Variants in SNED1 observed in about 807,000 individuals in gnomAD.
SNED1 encodes sushi, nidogen and EGF like domains 1, also known as sushi, nidogen and EGF-like domain-containing protein 1.
In SNED1, 81 loss-of-function variants were observed where a neutral mutation model predicts 166.7. That is an observed-to-expected ratio of 0.49 (90% CI 0.41 to 0.58). The LOEUF (loss-of-function observed/expected upper bound fraction) is 0.58, where lower values mean the gene tolerates loss of function less well. Ranked by LOEUF, SNED1 falls within the 20% of genes least tolerant of loss-of-function variation. SNED1 has a pLI of 0.00. For synonymous variants in SNED1, 762 were observed against 822.0 expected (o/e 0.93, Z 1.25); for missense variants, 1,604 against 2,000.2 (o/e 0.80, Z 3.78).
rs562366204 is a variant in SNED1, at chr2:241,022,161, C to T, written c.214-8123C>T. ...TCTGATTATGATTTGCAGGTACATT[C>T]TCCCATCCTGTGGGTTGTCTTTTCA... is the stretch of plus-strand genomic sequence containing the variant. On this transcript the variant is annotated intron_variant, in intron 1 of 31. Transcript: ENST00000310397. Among the ~76,000 whole-genome samples, 7 of 152,310 alleles carry T rather than the reference C, an allele frequency of 4.6e-5. 1 individual carries two copies. In the East Asian group the frequency reaches 1.4e-3, roughly 29 times the overall value.
rs1044812148 is a variant in SNED1, at chr2:241,092,610, G to A, written c.*974G>A. ...TTCAGACCCCTGCTTGGAAAGCTAAGGCACACTGCCACGAAGCAGCAAGGA... is the reference window on the plus strand; with the variant it reads ...TTCAGACCCCTGCTTGGAAAGCTAAAGCACACTGCCACGAAGCAGCAAGGA... On this transcript the variant is annotated 3_prime_UTR_variant, in exon 32 of 32. Coordinates refer to ENST00000310397, the MANE Select transcript of SNED1 (RefSeq NM_001080437.3). This position sits in a 1 kb window ranked among gnomAD's most constrained non-coding sequence, Gnocchi z 4.6. 1 of 152,216 alleles carries A rather than the reference G, an allele frequency of 6.6e-6. No homozygotes were observed. The highest frequency in any genetic ancestry group is 1.5e-5 in the Non-Finnish European group (1 of 68,042). The allele number at this position is 152,216 out of a possible 1,614,324, so 9.4% of individuals were successfully genotyped here. A position where few individuals can be genotyped will look rare whatever the true frequency, so the allele number is the denominator to read the frequency against.
intron 27 of SNED1, among the ~76,000 whole-genome samples, chr2:241,077,159 C>T (rs4447601): frequency 0.22 from 34,051 of 152,042 alleles, 4,149 homozygotes; most frequent in Middle Eastern, 0.31. Flanking sequence ...GGGCTGAAAC[C>T]ATTCAATGTG....
rs1353644866 is a variant in SNED1, at chr2:241,052,084, C to T, written c.1896C>T (p.Gly632=). Reference sequence around the variant, plus strand: ...CCTCTGGCCCCTGTCACAACGGCGGCACCTGCTTCCACTACATTGGCAAAT... The same window carrying T: ...CCTCTGGCCCCTGTCACAACGGCGGTACCTGCTTCCACTACATTGGCAAAT... ...SCASGPCHNG[G]TCFHYIGKYK... The change falls in exon 14 of 32, where the codon GGC becomes GGT. Residue 632 remains glycine, a synonymous_variant. Coordinates refer to ENST00000310397, the MANE Select transcript of SNED1 (RefSeq NM_001080437.3). 2.5e-6 allele frequency: 4 copies of T among 1,613,808 alleles called. No homozygotes were observed. Among genetic ancestry groups the T allele is most frequent in the African/African-American group, 1.3e-5 (1 of 74,908 alleles).
At chr2:241,000,242 T>G (rs534897661) in intron 1 of SNED1, among the ~76,000 whole-genome samples, 1 of 152,120 alleles carries the variant, frequency 6.6e-6, no homozygotes, top group Admixed American at 6.5e-5. Context: ...TGCCCTCTAG[T>G]GCGCCTCCCA....
chr2:241,053,128 C>T lies in SNED1; in HGVS notation c.2084-25C>T, dbSNP rs765602692. On this transcript the variant is annotated intron_variant, in intron 15 of 31. Coordinates refer to ENST00000310397, the MANE Select transcript of SNED1 (RefSeq NM_001080437.3). ...GGGGCCAGGAAGGCACAGGACCGTG[C>T]GAGACAGGCTGCCGTGCCTTGCAGA... 9.4e-6 allele frequency: 15 copies of T among 1,598,208 alleles called. No homozygotes were observed. In the African/African-American group the frequency reaches 1.1e-4, roughly 11 times the overall value.
chr2:241,025,558 A>G (rs958772296), intron 1 of SNED1, among the ~76,000 whole-genome samples: 7 of 152,146 alleles, frequency 4.6e-5, no homozygotes, highest in Non-Finnish European at 8.8e-5. Context: ...ATAAGGCAAT[A>G]TATATTATTT....
chr2:241,073,513 T>C lies in SNED1; in HGVS notation c.3916+149T>C. 1.4e-6 allele frequency: 1 copy of C among 694,654 alleles called. No individual in the cohort carries two copies. The highest frequency in any genetic ancestry group is 2.6e-6 in the Non-Finnish European group (1 of 382,736). The allele number at this position is 694,654 out of a possible 1,614,324, so 43.0% of individuals were successfully genotyped here. On this transcript the variant is annotated intron_variant, in intron 27 of 31. Transcript: ENST00000310397. This position sits in a 1 kb window ranked among gnomAD's most constrained non-coding sequence, Gnocchi z 6.6. ...AGGCTGAGCACCAGGCACCCCGGTG[T>C]GGGAAGATGGGGTGAAGCTACACCA...
At position 241,040,200 on chromosome 2, in the gene SNED1, G is replaced by C; in HGVS notation, c.1159+12G>C. On this transcript the variant is annotated intron_variant, in intron 7 of 31. Transcript: ENST00000310397. Reference sequence around the variant, plus strand: ...AGCCTGCGAGATGGGTGAGTGGCCTGGCTTCGGATTGGAGAGGGGCTCCTG... The same window carrying C: ...AGCCTGCGAGATGGGTGAGTGGCCTCGCTTCGGATTGGAGAGGGGCTCCTG... 6.3e-7 allele frequency: 1 copy of C among 1,583,666 alleles called. No homozygotes were observed. Among genetic ancestry groups the C allele is most frequent in the Non-Finnish European group, 8.6e-7 (1 of 1,164,424 alleles).
intron 1 of SNED1, among the ~76,000 whole-genome samples, chr2:241,029,156 C>T (rs1398954456): frequency 6.6e-6 from 1 of 152,270 alleles, no homozygotes; most frequent in Non-Finnish European, 1.5e-5. Context: ...GAGCTGACCA[C>T]TGTGACCAGC....
intron 29 of SNED1, 143 bp downstream of exon 29, chr2:241,082,507 C>A (rs910305891): frequency 4.8e-6 from 3 of 628,100 alleles, no homozygotes; most frequent in African/African-American, 1.8e-5. Context: ...CCATCGATTC[C>A]CTCCATGTCA....
chr2:241,058,506 A>C (rs1215831615), intron 16 of SNED1, among the ~76,000 whole-genome samples: 1 of 152,228 alleles, frequency 6.6e-6, no homozygotes, highest in Non-Finnish European at 1.5e-5. Context: ...AGTTCTTTGA[A>C]AAGCCTAATG....
intron 29 of SNED1, among the ~76,000 whole-genome samples, chr2:241,082,708 C>T (rs2063387335): frequency 2.6e-5 from 4 of 152,202 alleles, no homozygotes; most frequent in Admixed American, 2.6e-4. Flanking sequence ...CCTCAGAGCC[C>T]CCTGGAAAAA....
In SNED1 at chr2:241,065,279, T is replaced by C. The variant is rs2062392817; in HGVS notation, c.2714-20T>C. 1 of 1,611,590 alleles carries C rather than the reference T, an allele frequency of 6.2e-7. No individual in the cohort carries two copies. Among genetic ancestry groups the C allele is most frequent in the African/African-American group, 1.3e-5 (1 of 74,866 alleles). On this transcript the variant is annotated intron_variant, in intron 20 of 31. Coordinates refer to ENST00000310397, the MANE Select transcript of SNED1 (RefSeq NM_001080437.3). ...ACGGCTGACCAGTCCCCTCCCCTTG[T>C]TTTGACCCAAACCCTGAAGAGCTCT...
intron 1 of SNED1, among the ~76,000 whole-genome samples, chr2:241,002,544 A>G (rs2060107278): frequency 6.6e-6 from 1 of 151,970 alleles, no homozygotes; most frequent in Admixed American, 6.6e-5. Context: ...ATGGAAGGGG[A>G]TCCTGGGGAA....
intron 6 of SNED1, among the ~76,000 whole-genome samples, chr2:241,039,827 T>C (rs968533635): frequency 6.6e-6 from 1 of 152,110 alleles, no homozygotes; most frequent in African/African-American, 2.4e-5. Flanking sequence ...CTGCCCAGCA[T>C]ACACACCCAT....
At position 241,031,106 on chromosome 2, in the gene SNED1, GAA is replaced by G. The variant is rs199720639; in HGVS notation, c.501+538_501+539del. Among the ~76,000 whole-genome samples the G allele has an allele frequency of 2.7e-3, 409 of 152,286 alleles. 2 individuals are homozygous for G. The highest frequency in any genetic ancestry group is 9.0e-3 in the African/African-American group (373 of 41,564). On this transcript the variant is annotated intron_variant, in intron 2 of 31. Coordinates refer to ENST00000310397, the MANE Select transcript of SNED1 (RefSeq NM_001080437.3). ...GTGCAAGACAGACAGTGACTCCCTAGAAAAGAGGCGCTGGGTGCAGAACCGCC... is the reference window on the plus strand; with the variant it reads ...GTGCAAGACAGACAGTGACTCCCTAGAAGAGGCGCTGGGTGCAGAACCGCC...
intron 1 of SNED1, among the ~76,000 whole-genome samples, chr2:241,025,388 A>G (rs1359857558): frequency 6.6e-6 from 1 of 152,094 alleles, no homozygotes; most frequent in Non-Finnish European, 1.5e-5. Context: ...ACAACACGAT[A>G]TACACTTTTA....
At chr2:241,078,462 C>G (rs1490974848) in intron 27 of SNED1, among the ~76,000 whole-genome samples, 1 of 151,408 alleles carries the variant, frequency 6.6e-6, no homozygotes, top group African/African-American at 2.4e-5. Context: ...ACGATTCAAC[C>G]ATAAAACAAG....
In SNED1 at chr2:241,064,349, C is replaced by G. The variant is rs1280212696; in HGVS notation, c.2599+224C>G. 5.3e-5 allele frequency among the ~76,000 whole-genome samples: 8 copies of G among 151,988 alleles called. No homozygotes were observed. In the South Asian group the frequency reaches 1.7e-3, roughly 32 times the overall value. ...TAAACCTCCCCATCTCCTGCGCTCA[C>G]CCCCCAGACACCCCTCTTCACCCGA... On this transcript the variant is annotated intron_variant, in intron 19 of 31. Coordinates refer to ENST00000310397, the MANE Select transcript of SNED1 (RefSeq NM_001080437.3). The surrounding 1 kb of genome is among the most constrained non-coding windows in gnomAD (Gnocchi z 7.0).
Sources: allele counts gnomAD v4.1 joint callset (sites outside exome capture counted in the v4.1 genomes callset), GRCh38; gene constraint gnomAD v4.1.1; non-coding constraint Gnocchi (gnomAD v3.1); transcripts MANE v1.5; gene names NCBI Gene and HGNC (gene_info 2026-07-23, HGNC 2026-07-21).